The following NCOA2 variants were observed in gnomAD, a reference collection of about 807,000 sequenced individuals.
NCOA2 encodes the protein class E basic helix-loop-helix protein 75.
A neutral mutation model predicts 145.1 loss-of-function variants in NCOA2; 21 were observed. That is an observed-to-expected ratio of 0.14 (90% confidence interval 0.10 to 0.21). The LOEUF (loss-of-function observed/expected upper bound fraction) is 0.21, where lower values mean the gene tolerates loss of function less well. Ranked by LOEUF, NCOA2 falls within the 10% of genes least tolerant of loss-of-function variation. NCOA2 has a pLI of 1.00. For synonymous variants in NCOA2, 619 were observed against 637.5 expected, an observed-to-expected ratio of 0.97 and a Z score of 0.44; for missense variants, 1,472 against 1,837.6, an observed-to-expected ratio of 0.80 and a Z score of 3.64.
At chr8:70,370,826 T>C (rs921729071) in intron 1 of NCOA2, among the ~76,000 whole-genome samples, 1 of 152,180 alleles carries the variant, frequency 6.6e-6, no homozygotes, top group African/African-American at 2.4e-5. Context: ...TGCAGGTTAC[T>C]AGTCAAACAA....
intron 2 of NCOA2, among the ~76,000 whole-genome samples, chr8:70,251,143 A>G (rs1270183218): frequency 6.6e-6 from 1 of 152,024 alleles, no homozygotes; most frequent in Non-Finnish European, 1.5e-5. Context: ...ACTAACATTA[A>G]CTAGAGAGTT....
At chr8:70,183,726 G>A (rs538329176) in intron 4 of NCOA2, among the ~76,000 whole-genome samples, 4 of 152,276 alleles carry the variant, frequency 2.6e-5, no homozygotes, top group East Asian at 3.9e-4. Context: ...GGCCCCTGCC[G>A]CCGTGCTTCT....
chr8:70,156,594 C>A lies in NCOA2; in HGVS notation c.1771G>T (p.Glu591Ter). 3 of 1,613,918 alleles carry A rather than the reference C, an allele frequency of 1.9e-6. No homozygotes were observed. The highest frequency in any genetic ancestry group is 2.5e-6 in the Non-Finnish European group (3 of 1,179,888). The change falls in exon 11 of 23, where the codon GAG becomes TAG. Residue 591 changes from glutamate to a stop codon, truncating the protein, a stop_gained. Transcript: ENST00000452400. LOFTEE classifies it high-confidence loss of function. ...TGTCCAGTTGTACCTTCAGAGGGCT[C>A]CCCATATAGTCCAAAACAGTCTTTT... ...DSKDCFGLYGEPSEGTTGQAE... is the reference protein window; with the variant it reads ...DSKDCFGLYG
At chr8:70,290,939 C>T (rs982301351) in intron 2 of NCOA2, among the ~76,000 whole-genome samples, 4 of 152,214 alleles carry the variant, frequency 2.6e-5, no homozygotes. Flanking sequence ...TAACATACAT[C>T]TGGCATTTGC....
At chr8:70,154,079 G>C (rs1236261792) in intron 11 of NCOA2, among the ~76,000 whole-genome samples, 1 of 152,212 alleles carries the variant, frequency 6.6e-6, no homozygotes, top group Non-Finnish European at 1.5e-5. Context: ...CTCAACCCCA[G>C]ACCTGCCTCT....
rs888046512 is a variant in NCOA2 at position 70,162,431 on chromosome 8, T to C, written c.976+280A>G. On this transcript the variant is annotated intron_variant, in intron 9 of 22. Transcript: ENST00000452400. The stretch of plus-strand genomic sequence containing the variant: ...ATTTCTTTTCATTAGATGGTACTTA[T>C]AATCTTGTCACATATCTAGAAGCCC... 4.5e-4 allele frequency among the ~76,000 whole-genome samples: 68 copies of C among 152,226 alleles called. 1 individual carries two copies. The highest frequency in any genetic ancestry group is 1.5e-3 in the African/African-American group (64 of 41,452).
chr8:70,124,108 G>A, intron 20 of NCOA2, 26 bp from the exon 21 acceptor site: 3 of 1,601,684 alleles, frequency 1.9e-6, no homozygotes, highest in Non-Finnish European at 2.6e-6. Context: ...AAGATTGAAT[G>A]AATGTTACAG....
chr8:70,203,860 C>G (rs1818170330), intron 4 of NCOA2, among the ~76,000 whole-genome samples: 1 of 152,132 alleles, frequency 6.6e-6, no homozygotes, highest in African/African-American at 2.4e-5. Flanking sequence ...ACCAATATAT[C>G]TAATATCTGC....
chr8:70,406,996 A>G (rs2131901036), upstream of NCOA2, among the ~76,000 whole-genome samples: 1 of 152,360 alleles, frequency 6.6e-6, no homozygotes, highest in East Asian at 1.9e-4. Flanking sequence ...AATTGTTGCA[A>G]GACTCAAAAT....
the NCOA2 span, among the ~76,000 whole-genome samples, chr8:70,413,148 A>T: frequency 6.6e-6 from 1 of 152,062 alleles, no homozygotes; most frequent in Non-Finnish European, 1.5e-5. Flanking sequence ...AAGGTTCTAA[A>T]CCGGTATCTG....
chr8:70,143,337 C>A (rs1358153325), intron 13 of NCOA2, among the ~76,000 whole-genome samples: 1 of 152,168 alleles, frequency 6.6e-6, no homozygotes, highest in Non-Finnish European at 1.5e-5. Context: ...GATTTTAATA[C>A]AGGCCTATTC....
intron 11 of NCOA2, among the ~76,000 whole-genome samples, chr8:70,149,394 CCAT>C (rs34649703): frequency 0.11 from 15,848 of 150,814 alleles, 1,257 homozygotes; most frequent in East Asian, 0.4. Flanking sequence ...ACCACCACCA[CCAT>C]GTCTGGCTAA....
intron 22 of NCOA2, among the ~76,000 whole-genome samples, chr8:70,116,738 G>C (rs1807180915): frequency 6.6e-6 from 1 of 152,208 alleles, no homozygotes; most frequent in African/African-American, 2.4e-5. Context: ...TAAAGCAAAT[G>C]AGTCTCTATG....
intron 1 of NCOA2, among the ~76,000 whole-genome samples, chr8:70,304,773 G>A (rs1282909895): frequency 6.6e-6 from 1 of 151,772 alleles, no homozygotes; most frequent in African/African-American, 2.4e-5. Flanking sequence ...GGGATTACAG[G>A]TGTGAGCCAC....
At position 70,132,005 on chromosome 8, in the gene NCOA2, G is replaced by T. The variant is rs1044227528; in HGVS notation, c.3159-3C>A. On this transcript the variant is annotated splice_region_variant and splice_polypyrimidine_tract_variant and intron_variant, in intron 15 of 22. Coordinates refer to ENST00000452400, the MANE Select transcript of NCOA2 (RefSeq NM_006540.4). ...CTGGAGAACTGCCAAATGGCTGCCT[G>T]TAAAGACAGAAATGTCACCTTGGGC... 6.2e-7 allele frequency: 1 copy of T among 1,610,748 alleles called. No individual in the cohort carries two copies. Among genetic ancestry groups the T allele is most frequent in the Non-Finnish European group, 8.5e-7 (1 of 1,178,698 alleles).
chr8:70,164,328 C>G (rs1330154622), intron 7 of NCOA2, among the ~76,000 whole-genome samples: 1 of 152,116 alleles, frequency 6.6e-6, no homozygotes, highest in Non-Finnish European at 1.5e-5. Flanking sequence ...TCTGCACAGC[C>G]CTTTCCATTT....
chr8:70,374,753 G>C (rs1364089336), intron 1 of NCOA2, among the ~76,000 whole-genome samples: 1 of 149,522 alleles, frequency 6.7e-6, no homozygotes, highest in East Asian at 2.0e-4. Context: ...AGTGAGCTAT[G>C]ATCATGCTAC....
chr8:70,128,388 G>T, intron 18 of NCOA2, 45 bp downstream of exon 18: 2 of 1,513,568 alleles, frequency 1.3e-6, no homozygotes, highest in East Asian at 2.3e-5. Flanking sequence ...GACAAAAGCA[G>T]CTGCATGCAT....
At chr8:70,342,595 C>A (rs1165935405) in intron 1 of NCOA2, among the ~76,000 whole-genome samples, 3 of 152,026 alleles carry the variant, frequency 2.0e-5, no homozygotes, top group African/African-American at 7.2e-5. Context: ...CAATACTAAG[C>A]TAACATACTT....
Sources: allele counts gnomAD v4.1 joint callset (sites outside exome capture counted in the v4.1 genomes callset), GRCh38; gene constraint gnomAD v4.1.1; transcripts MANE v1.5; gene names NCBI Gene and HGNC (gene_info 2026-07-23, HGNC 2026-07-21).